The following MSH6 variants were observed in gnomAD, a reference collection of about 807,000 sequenced individuals.
MSH6 encodes DNA mismatch repair protein Msh6.
Under a neutral mutation model 119.1 loss-of-function variants are expected in MSH6, and 85 were observed. The observed-to-expected ratio is 0.71, with a 90% CI of 0.60 to 0.85. The LOEUF (loss-of-function observed/expected upper bound fraction) is 0.85. Among genes scored for constraint, MSH6 ranks in the 40% least tolerant of loss-of-function variants. MSH6 has a pLI of 0.00. For synonymous variants in MSH6, 830 were observed against 586.9 expected, an observed-to-expected ratio of 1.41 and a Z score of -5.99; for missense variants, 2,163 against 1,655.3, an observed-to-expected ratio of 1.31 and a Z score of -5.32.
At chr2:47,783,881 C>T (rs1668175231) in intron 1 of MSH6, 2 of 928,690 alleles carry the variant, frequency 2.2e-6, no homozygotes, top group Non-Finnish European at 1.2e-6. Context: ...GGGAAGGCGC[C>T]CGGCCCACTT....
intron 4 of MSH6, among the ~76,000 whole-genome samples, chr2:47,802,151 A>G (rs1465054605): frequency 6.6e-6 from 1 of 152,218 alleles, no homozygotes; most frequent in African/African-American, 2.4e-5. Flanking sequence ...TTTTAAAAGA[A>G]TCATTCCTTT....
intron 2 of MSH6, 59 bp from the exon 3 acceptor site, chr2:47,795,835 A>C: frequency 1.3e-6 from 2 of 1,487,982 alleles, no homozygotes. Context: ...AACTGCTGGG[A>C]TTACAGGCGT....
downstream of MSH6, chr2:47,809,444 C>G: frequency 1.4e-6 from 1 of 693,880 alleles, no homozygotes. Flanking sequence ...ATAAGATACT[C>G]CAACCATTTA....
intron 2 of MSH6, among the ~76,000 whole-genome samples, chr2:47,795,199 G>C (rs1327720220): frequency 2.6e-5 from 4 of 152,198 alleles, no homozygotes; most frequent in African/African-American, 9.7e-5. Flanking sequence ...TTAGAAGACA[G>C]ACTAAGTAGT....
chr2:47,790,589 A>G (rs895039034), intron 1 of MSH6, among the ~76,000 whole-genome samples: 1 of 152,172 alleles, frequency 6.6e-6, no homozygotes, highest in African/African-American at 2.4e-5. Context: ...TATAGGTGCT[A>G]CTAATTTGGA....
In MSH6 at chr2:47,791,019, C is replaced by T. The variant is rs746060136; in HGVS notation, c.353C>T (p.Thr118Ile). 6.2e-7 allele frequency: 1 copy of T among 1,614,204 alleles called. No individual in the cohort carries two copies. Among genetic ancestry groups the T allele is most frequent in the African/African-American group, 1.3e-5 (1 of 75,054 alleles). ...CLVYNHPFDG[T>I]FIREKGKSVR... ...GTTTACAACCACCCCTTTGATGGAA[C>T]ATTCATCCGCGAGAAAGGGAAATCA... Residue 118 changes from threonine to isoleucine, a missense_variant, in exon 2 of 10, where the codon ACA (threonine) becomes ATA (isoleucine). Thr to Ile is a moderately conservative substitution (Grantham distance 89). Transcript: ENST00000234420.
chr2:47,783,921 G>GGGGGGGGGGGGGGGGGGGGGGGGGGGA, intron 1 of MSH6: 1 of 830,520 alleles, frequency 1.2e-6, no homozygotes, highest in Non-Finnish European at 1.4e-6. Flanking sequence ...GGGGTGGCGG[G>GGGGGGGGGGGGGGGGGGGGGGGGGGGA]AAGGAGGAAT....
In MSH6 at chr2:47,803,410, C is replaced by T. The variant is rs587780559; in HGVS notation, c.3173-10C>T. The T allele has an allele frequency of 6.2e-6, 10 of 1,614,036 alleles. No individual in the cohort carries two copies. The highest frequency in any genetic ancestry group is 2.7e-5 in the African/African-American group (2 of 74,928). Reference sequence around the variant, plus strand: ...CGATGAAGCCTCACTTTTACCCTCTCTTTTAACAGATGTTTTACTGTGCCT... The same window carrying T: ...CGATGAAGCCTCACTTTTACCCTCTTTTTTAACAGATGTTTTACTGTGCCT... On this transcript the variant is annotated splice_polypyrimidine_tract_variant and intron_variant, in intron 4 of 9. Coordinates refer to ENST00000234420, the MANE Select transcript of MSH6 (RefSeq NM_000179.3).
chr2:47,798,956 C>T lies in MSH6; in HGVS notation c.973C>T (p.Gln325Ter), dbSNP rs1553412397. 6.2e-7 allele frequency: 1 copy of T among 1,614,204 alleles called. No homozygotes were observed. Among genetic ancestry groups the T allele is most frequent in the Non-Finnish European group, 8.5e-7 (1 of 1,180,036 alleles). Reference protein sequence around the residue: ...SRKETPSATKQATSISSETKN... With the variant: ...SRKETPSATK ...GAAGGAAACGCCCTCAGCCACCAAA[C>T]AAGCAACTAGCATTTCATCAGAAAC... The change falls in exon 4 of 10, where the codon CAA (glutamine) becomes TAA (stop). Residue 325 changes from glutamine to a stop codon, truncating the protein, a stop_gained. Coordinates refer to ENST00000234420, the MANE Select transcript of MSH6 (RefSeq NM_000179.3). LOFTEE classifies it high-confidence loss of function.
At position 47,799,713 on chromosome 2, in the gene MSH6, G is replaced by A. The variant is rs376220212; in HGVS notation, c.1730G>A (p.Arg577His). The change falls in exon 4 of 10, where the codon CGC becomes CAC. Residue 577 changes from arginine to histidine, a missense_variant. Coordinates refer to ENST00000234420, the MANE Select transcript of MSH6 (RefSeq NM_000179.3). ...TTCATAGGTCAGTTTTCAGATGATC[G>A]CCATTGTTCGAGATTTAGGACTCTA... Reference protein sequence around the residue: ...KFFIGQFSDDRHCSRFRTLVA... With the variant: ...KFFIGQFSDDHHCSRFRTLVA... The A allele has an allele frequency of 7.6e-5, 122 of 1,614,154 alleles. No homozygotes were observed. The highest frequency in any genetic ancestry group is 1.9e-4 in the African/African-American group (14 of 75,038).
chr2:47,794,883 C>T (rs1382976456), intron 2 of MSH6, among the ~76,000 whole-genome samples: 2 of 152,122 alleles, frequency 1.3e-5, no homozygotes, highest in Non-Finnish European at 2.9e-5. Flanking sequence ...CAACCTCTGC[C>T]TCCCGGGTTC....
intron 2 of MSH6, among the ~76,000 whole-genome samples, chr2:47,793,367 C>T (rs1043148660): frequency 1.4e-5 from 2 of 144,970 alleles, no homozygotes; most frequent in Non-Finnish European, 3.0e-5. Flanking sequence ...CGGTGGCTCG[C>T]GCCTGTAATC....
At chr2:47,788,253 T>C (rs1480944187) in intron 1 of MSH6, among the ~76,000 whole-genome samples, 24 of 86,220 alleles carry the variant, frequency 2.8e-4, no homozygotes, top group Non-Finnish European at 5.5e-4. Flanking sequence ...TTTCTTTTTT[T>C]TTTTTTTTTT....
In MSH6 at chr2:47,806,651, G is replaced by C. The variant is rs267608122; in HGVS notation, c.4001G>C (p.Arg1334Pro). 1 of 1,606,938 alleles carries C rather than the reference G, an allele frequency of 6.2e-7. No individual in the cohort carries two copies. The change falls in exon 9 of 10, where the codon CGG becomes CCG. Residue 1334 changes from arginine to proline, a missense_variant and splice_region_variant. Arg to Pro is a moderately radical substitution (Grantham distance 103, BLOSUM62 -2). Coordinates refer to ENST00000234420, the MANE Select transcript of MSH6 (RefSeq NM_000179.3). The stretch of plus-strand genomic sequence containing the variant: ...ATGAATCAGTCACTACGATTATTTC[G>C]GTAACTAACTAACTATAATGGAATT... Reference protein sequence around the residue: ...EKMNQSLRLFREVCLASERST... With the variant: ...EKMNQSLRLFPEVCLASERST...
At chr2:47,798,480 C>A in intron 3 of MSH6, 131 bp from the exon 4 acceptor site, 2 of 889,136 alleles carry the variant, frequency 2.2e-6, no homozygotes, top group Non-Finnish European at 3.5e-6. Flanking sequence ...TCATCGAATA[C>A]TGTACTAAAA....
downstream of MSH6, chr2:47,809,984 C>G (rs778079943): frequency 6.1e-6 from 3 of 489,806 alleles, no homozygotes; most frequent in South Asian, 6.5e-5. Flanking sequence ...TTTAACATCT[C>G]TTTTTCTGTT....
chr2:47,801,275 A>C (rs1310406735), intron 4 of MSH6, 120 bp downstream of exon 4: 5 of 1,048,670 alleles, frequency 4.8e-6, no homozygotes, highest in South Asian at 1.4e-5. Flanking sequence ...ATGCATATAC[A>C]TATTTGCATC....
chr2:47,784,939 C>T (rs1228269506), intron 1 of MSH6: 1 of 151,964 alleles, frequency 6.6e-6, no homozygotes, highest in African/African-American at 2.4e-5. Flanking sequence ...ATTATCCTGC[C>T]TCAGCCTCCC....
At position 47,800,492 on chromosome 2, in the gene MSH6, C is replaced by A. The variant is rs777593472; in HGVS notation, c.2509C>A (p.His837Asn). The change falls in exon 4 of 10, where the codon CAC (histidine) becomes AAC (asparagine). Residue 837 changes from histidine to asparagine, a missense_variant. Physicochemically the swap from His to Asn is moderately conservative, Grantham distance 68. Transcript: ENST00000234420. ...NVGSPLKSQN[H>N]PDSRAIMYEE... ...TGGGTCTCCCCTGAAGAGTCAGAAC[C>A]ACCCAGACAGCAGGGCTATAATGTA... is the stretch of plus-strand genomic sequence containing the variant. 3 of 1,612,960 alleles carry A rather than the reference C, an allele frequency of 1.9e-6. No homozygotes were observed. The highest frequency in any genetic ancestry group is 2.5e-6 in the Non-Finnish European group (3 of 1,179,738).
Sources: gnomAD v4.1 joint callset for allele counts (sites outside exome capture counted in the v4.1 genomes callset) on GRCh38, gnomAD v4.1.1 for gene constraint, MANE v1.5 for transcripts, NCBI Gene and HGNC (gene_info 2026-07-23, HGNC 2026-07-21) for gene names.